PDE4D: variants seen among roughly 807,000 people sequenced by gnomAD.
PDE4D encodes the protein phosphodiesterase 4D, also known as 3',5'-cyclic-AMP phosphodiesterase 4D.
PDE4D carries 24 observed loss-of-function variants against 87.4 expected under a neutral mutation model. The observed-to-expected ratio is 0.27, with a 90% CI of 0.20 to 0.39. The LOEUF (loss-of-function observed/expected upper bound fraction) is 0.39, where lower values mean the gene tolerates loss of function less well. PDE4D is among the 10% of genes least tolerant of loss of function. The probability of loss-of-function intolerance (pLI) is 1.00; values close to 1 mark genes in which losing one functional copy is unlikely to be tolerated. For synonymous variants in PDE4D, 384 were observed against 383.2 expected (o/e 1.00, Z -0.02); for missense variants, 714 against 1,041.0 (o/e 0.69, Z 4.32).
intron 1 of PDE4D, among the ~76,000 whole-genome samples, chr5:59,546,390 G>A (rs186870818): frequency 1.0e-3 from 157 of 152,142 alleles, no homozygotes; most frequent in South Asian, 1.9e-3. Context: ...GGCATTATTC[G>A]TTGCTGGAAT....
At chr5:60,127,557 G>T in intron 2 of PDE4D, 1 of 456,646 alleles carries the variant, frequency 2.2e-6, no homozygotes, top group South Asian at 4.5e-5. Flanking sequence ...AGGTGAAATC[G>T]ACAGGCCTTA....
intron 1 of PDE4D, among the ~76,000 whole-genome samples, chr5:59,309,695 A>G (rs1772184677): frequency 6.6e-6 from 1 of 152,146 alleles, no homozygotes; most frequent in Non-Finnish European, 1.5e-5. Flanking sequence ...TCTTGCAGTC[A>G]ATCTGGAGCT....
rs70975363 is a variant in PDE4D at position 60,059,040 on chromosome 5, A to ATGTGTGTGTGTGTGTGTGTGTGTG, written c.43-70347_43-70324dup. On this transcript the variant is annotated intron_variant, in intron 2 of 16. Transcript: ENST00000502484. ...TATCTATCTTTTTTGGCATTGTCAT[A>ATGTGTGTGTGTGTGTGTGTGTGTG]TGTGTGTGTGTGTGTGTGTGTGTGT... Among the ~76,000 whole-genome samples the ATGTGTGTGTGTGTGTGTGTGTGTG allele has an allele frequency of 7.3e-4, 104 of 142,414 alleles. 1 individual carries two copies. The highest frequency in any genetic ancestry group is 1.1e-3 in the South Asian group (5 of 4,362). The allele number at this position is 142,414 out of a possible 152,430, so 93.4% of individuals were successfully genotyped here. A position where few individuals can be genotyped will look rare whatever the true frequency, so the allele number is the denominator to read the frequency against.
At chr5:59,121,816 C>A (rs190921545) in intron 5 of PDE4D, among the ~76,000 whole-genome samples, 2 of 152,072 alleles carry the variant, frequency 1.3e-5, no homozygotes, top group Non-Finnish European at 2.9e-5. Context: ...GAGAATCAAC[C>A]TAAGGGTCCC....
At chr5:59,963,218 T>C (rs1258029304) in intron 3 of PDE4D, among the ~76,000 whole-genome samples, 1 of 152,162 alleles carries the variant, frequency 6.6e-6, no homozygotes, top group Non-Finnish European at 1.5e-5. Flanking sequence ...ACTCTGGACC[T>C]GAAGGTTATG....
intron 2 of PDE4D, among the ~76,000 whole-genome samples, chr5:60,072,118 C>G (rs1772789674): frequency 6.6e-6 from 1 of 152,064 alleles, no homozygotes; most frequent in Admixed American, 6.5e-5. Flanking sequence ...AATAGTTTAA[C>G]TAATTTACAT....
At chr5:59,815,551 T>G (rs1322135727) in intron 1 of PDE4D, among the ~76,000 whole-genome samples, 1 of 152,154 alleles carries the variant, frequency 6.6e-6, no homozygotes, top group Non-Finnish European at 1.5e-5. Context: ...AGTAATGAAA[T>G]GGGGTGGTTG....
At chr5:59,562,245 A>G (rs992801707) in intron 1 of PDE4D, among the ~76,000 whole-genome samples, 5 of 152,192 alleles carry the variant, frequency 3.3e-5, no homozygotes, top group African/African-American at 1.2e-4. Flanking sequence ...AACGTCCTCT[A>G]CCAGAAGGAA....
chr5:60,442,606 C>T (rs1370936878), intron 1 of PDE4D, among the ~76,000 whole-genome samples: 2 of 151,800 alleles, frequency 1.3e-5, no homozygotes, highest in African/African-American at 4.8e-5. Context: ...AATAAATAGC[C>T]AATACAATAT....
chr5:60,251,020 G>T (rs1328081823), intron 1 of PDE4D, among the ~76,000 whole-genome samples: 1 of 151,446 alleles, frequency 6.6e-6, no homozygotes, highest in Non-Finnish European at 1.5e-5. Flanking sequence ...TAAGAAAAAA[G>T]TTCAAAAAAT....
intron 1 of PDE4D, among the ~76,000 whole-genome samples, chr5:59,518,712 C>A (rs1310019637): frequency 6.6e-6 from 1 of 152,194 alleles, no homozygotes; most frequent in East Asian, 1.9e-4. Flanking sequence ...CTTCATGATT[C>A]TGCCATATCC....
intron 5 of PDE4D, among the ~76,000 whole-genome samples, chr5:59,116,081 T>C (rs1169098343): frequency 1.3e-5 from 2 of 152,170 alleles, no homozygotes; most frequent in Non-Finnish European, 2.9e-5. Flanking sequence ...AAATATAATA[T>C]ACAGCCAAAA....
At chr5:59,557,065 G>A (rs1230165343) in intron 1 of PDE4D, among the ~76,000 whole-genome samples, 1 of 152,078 alleles carries the variant, frequency 6.6e-6, no homozygotes. Flanking sequence ...AGGAATACGA[G>A]TAAAATGATG....
intron 1 of PDE4D, among the ~76,000 whole-genome samples, chr5:60,516,842 G>A (rs934830311): frequency 4.6e-5 from 7 of 152,196 alleles, no homozygotes; most frequent in African/African-American, 1.7e-4. Context: ...GCTGCAGCAG[G>A]CAAGGCGCAG....
At chr5:59,370,769 A>C (rs1262767709) in intron 1 of PDE4D, among the ~76,000 whole-genome samples, 1 of 152,202 alleles carries the variant, frequency 6.6e-6, no homozygotes, top group Non-Finnish European at 1.5e-5. Flanking sequence ...GGTTCAATAT[A>C]TATTTGCTAA....
chr5:59,892,904 A>T (rs1312125676), intron 1 of PDE4D, among the ~76,000 whole-genome samples: 4 of 106,736 alleles, frequency 3.7e-5, no homozygotes, highest in African/African-American at 2.9e-4. Context: ...CACCACACAC[A>T]CACACACACA....
intron 1 of PDE4D, among the ~76,000 whole-genome samples, chr5:59,348,627 T>TTTA (rs1451817711): frequency 6.6e-6 from 1 of 151,424 alleles, no homozygotes; most frequent in East Asian, 1.9e-4. Context: ...TCAAAGCTTT[T>TTTA]TTTTTTTTTT....
chr5:59,535,958 G>A (rs1815137014), intron 1 of PDE4D, among the ~76,000 whole-genome samples: 1 of 152,162 alleles, frequency 6.6e-6, no homozygotes, highest in Non-Finnish European at 1.5e-5. Context: ...CAGCACATGT[G>A]TTGTCTTAAT....
At chr5:60,458,925 A>G (rs963425069) in intron 1 of PDE4D, among the ~76,000 whole-genome samples, 2 of 152,010 alleles carry the variant, frequency 1.3e-5, no homozygotes, top group African/African-American at 2.4e-5. Context: ...CTCGAAAACA[A>G]AGAGCACCTT....
Sources: allele counts gnomAD v4.1 joint callset (sites outside exome capture counted in the v4.1 genomes callset), GRCh38; gene constraint gnomAD v4.1.1; transcripts MANE v1.5; gene names NCBI Gene and HGNC (gene_info 2026-07-23, HGNC 2026-07-21).